The following DCLRE1A variants were observed in gnomAD, a reference collection of about 807,000 sequenced individuals.
DCLRE1A encodes DNA cross-link repair 1A protein.
A neutral mutation model predicts 91.9 loss-of-function variants in DCLRE1A; 64 were observed. The observed-to-expected ratio is 0.70, with a 90% CI of 0.57 to 0.86. The LOEUF is 0.86. Among genes scored for constraint, DCLRE1A ranks in the 40% least tolerant of loss-of-function variants. The probability of loss-of-function intolerance (pLI) is 0.00; values close to 1 mark genes in which losing one functional copy is unlikely to be tolerated. For missense variants in DCLRE1A, 1,145 were observed against 1,213.3 expected (o/e 0.94, Z 0.84); for synonymous variants, 416 against 431.1 (o/e 0.96, Z 0.43).
intron 6 of DCLRE1A, 109 bp downstream of exon 6, chr10:113,842,234 T>C: frequency 1.0e-6 from 1 of 962,126 alleles, no homozygotes; most frequent in Non-Finnish European, 1.4e-6. Flanking sequence ...TATTGAATCA[T>C]TACAGGAAAT....
intron 4 of DCLRE1A, 131 bp from the exon 5 acceptor site, chr10:113,844,375 T>C: frequency 1.7e-6 from 2 of 1,203,454 alleles, no homozygotes; most frequent in Non-Finnish European, 1.1e-6. Context: ...CTACAGGAAA[T>C]GCGGCACTTC....
chr10:113,852,693 T>G (rs531319924), intron 1 of DCLRE1A, 30 bp downstream of exon 1: 4 of 1,575,640 alleles, frequency 2.5e-6, no homozygotes, highest in East Asian at 4.5e-5. Context: ...TTAGATTATT[T>G]AGAAACTACT....
rs748264520 is a variant in DCLRE1A at position 113,850,468 on chromosome 10, A to G, written c.637T>C (p.Trp213Arg). ...SGVLCSLEER[W>R]SSYQNQTDNS... is the part of the protein sequence containing the mutation. ...TCAGTTTGGTTCTGATACGAAGACC[A>G]TCTTTCCTCAAGGCTACAAAGGACG... is the stretch of plus-strand genomic sequence containing the variant. Residue 213 changes from tryptophan to arginine, a missense_variant, in exon 2 of 9, where the codon TGG becomes CGG. By Grantham distance (101) the Trp-to-Arg change is moderately radical. Transcript: ENST00000361384. 8.7e-6 allele frequency: 14 copies of G among 1,614,064 alleles called. No homozygotes were observed. Among genetic ancestry groups the G allele is most frequent in the Admixed American group, 5.0e-5 (3 of 60,000 alleles).
rs139656011 is a variant in DCLRE1A, at chr10:113,846,096, C to A, written c.2260-293G>T. ...TGGGTTTGTCTCCTGTTATTCCCTA[C>A]CTTGTGTTCTAGCCATTTTGAATTA... On this transcript the variant is annotated intron_variant, in intron 3 of 8. Coordinates refer to ENST00000361384, the MANE Select transcript of DCLRE1A (RefSeq NM_014881.5). Among the ~76,000 whole-genome samples the A allele has an allele frequency of 5.4e-3, 828 of 152,246 alleles. 6 individuals carry two copies. The highest frequency in any genetic ancestry group is 0.019 in the African/African-American group (792 of 41,546).
At chr10:113,839,486 C>T (rs1845414460) in intron 7 of DCLRE1A, among the ~76,000 whole-genome samples, 1 of 151,812 alleles carries the variant, frequency 6.6e-6, no homozygotes. Flanking sequence ...ATACATATTT[C>T]CATTATCATT....
At chr10:113,845,921 A>G in intron 3 of DCLRE1A, 118 bp from the exon 4 acceptor site, 1 of 864,044 alleles carries the variant, frequency 1.2e-6, no homozygotes, top group Non-Finnish European at 2.0e-6. Flanking sequence ...ATTTAAGTAA[A>G]CACTCCACAA....
intron 2 of DCLRE1A, 126 bp from the exon 3 acceptor site, chr10:113,847,461 A>T: frequency 9.2e-7 from 1 of 1,089,070 alleles, no homozygotes. Context: ...TTAAAAACTT[A>T]TATCACATAA....
rs763572927 is a variant in DCLRE1A, at chr10:113,841,463, A to G, written c.2763T>C (p.Thr921=). The G allele has an allele frequency of 3.2e-5, 52 of 1,613,636 alleles. No individual in the cohort carries two copies. The highest frequency in any genetic ancestry group is 4.3e-5 in the Non-Finnish European group (51 of 1,179,826). ...GAACCAATGAACTGCACATGTCGGT[A>G]GTGATGAGTGAATTAATTTCTGGTA... ...LNIPEINSLI[T]TDMCSSLVHL... The change falls in exon 7 of 9, where the codon ACT becomes ACC. Residue 921 remains threonine (T), a synonymous_variant. Transcript: ENST00000361384.
chr10:113,852,607 G>T, intron 1 of DCLRE1A, 116 bp downstream of exon 1: 1 of 984,378 alleles, frequency 1.0e-6, no homozygotes, highest in Non-Finnish European at 1.5e-6. Context: ...GTTTCCCAGT[G>T]TCTCATCTCT....
intron 4 of DCLRE1A, among the ~76,000 whole-genome samples, chr10:113,844,673 C>T (rs539112766): frequency 1.1e-4 from 17 of 152,290 alleles, no homozygotes; most frequent in African/African-American, 3.8e-4. Flanking sequence ...TGGTGGCTCA[C>T]GCCTGTAATC....
At position 113,848,980 on chromosome 10, in the gene DCLRE1A, C is replaced by T. The variant is rs746572415; in HGVS notation, c.2125G>A (p.Gly709Arg). The T allele has an allele frequency of 1.2e-6, 2 of 1,606,322 alleles. No homozygotes were observed. The highest frequency in any genetic ancestry group is 1.7e-6 in the Non-Finnish European group (2 of 1,176,822). ...ATCGAGTATTGACATTTCAACTTAC[C>T]AGGTATTTTCTTATAGAATGGACAT... ...KTCPFYKKIP[G>R]TGFTVDAFQY... Residue 709 changes from glycine to arginine, a missense_variant and splice_region_variant, in exon 2 of 9, where the codon GGA becomes AGA. Gly to Arg is a moderately radical substitution (Grantham distance 125). Transcript: ENST00000361384.
At chr10:113,841,316 A>G in intron 7 of DCLRE1A, 90 bp downstream of exon 7, 1 of 1,454,114 alleles carries the variant, frequency 6.9e-7, no homozygotes, top group Non-Finnish European at 9.3e-7. Flanking sequence ...TGACTCTATT[A>G]TAATTGAATT....
rs10689395 is a variant in DCLRE1A, at chr10:113,853,279, G to GAA, written c.-99_-98dup. On this transcript the variant is annotated 5_prime_UTR_variant, in exon 1 of 9. Coordinates refer to ENST00000361384, the MANE Select transcript of DCLRE1A (RefSeq NM_014881.5). ...AAAAGTTATAGAATTATTTTGCTGA[G>GAA]AAAAAAAACAAAGGTAACAAAACCC... The GAA allele has an allele frequency of 1.1e-3, 1,368 of 1,220,876 alleles. 16 individuals are homozygous for GAA. The African/African-American group carries it at 0.019, about 17-fold the overall frequency. The allele number at this position is 1,220,876 out of a possible 1,614,324, so 75.6% of individuals were successfully genotyped here.
At chr10:113,835,930 G>A (rs937573637) in intron 8 of DCLRE1A, among the ~76,000 whole-genome samples, 45 of 152,050 alleles carry the variant, frequency 3.0e-4, no homozygotes, top group African/African-American at 9.9e-4. Context: ...CAAGACTCTT[G>A]TCTCAAAAAA....
intron 3 of DCLRE1A, among the ~76,000 whole-genome samples, chr10:113,846,798 T>A (rs1002763785): frequency 1.3e-5 from 2 of 152,254 alleles, no homozygotes; most frequent in Admixed American, 1.3e-4. Context: ...CTATATTTTT[T>A]AATTTGCATT....
rs747657243 is a variant in DCLRE1A, at chr10:113,837,161, G to T, written c.2863C>A (p.Gln955Lys). 8.7e-6 allele frequency: 14 copies of T among 1,613,098 alleles called. No individual in the cohort carries two copies. Among genetic ancestry groups the T allele is most frequent in the Non-Finnish European group, 1.2e-5 (14 of 1,179,700 alleles). ...CCTGTAGGTCGAAATGCCAAAATCTGATTGTATTTCCCACCACACTTCTTC... is the reference window on the plus strand; with the variant it reads ...CCTGTAGGTCGAAATGCCAAAATCTTATTGTATTTCCCACCACACTTCTTC... ...HLKKCGGKYN[Q>K]ILAFRPTGWT... The change falls in exon 8 of 9, where the codon CAG (glutamine) becomes AAG (lysine). Residue 955 changes from glutamine (Q) to lysine (K), a missense_variant. Coordinates refer to ENST00000361384, the MANE Select transcript of DCLRE1A (RefSeq NM_014881.5).
Position 113,852,985 on chromosome 10 carries a change from G to C in DCLRE1A, c.198C>G (p.Pro66=). ...EAKEVKDHEV[P]LGNAGCQTSV... Reference sequence around the variant, plus strand: ...AAGTCTGACAACCTGCATTTCCAAGGGGCACTTCATGGTCCTTCACCTCTT... The same window carrying C: ...AAGTCTGACAACCTGCATTTCCAAGCGGCACTTCATGGTCCTTCACCTCTT... The change falls in exon 1 of 9, where the codon CCC becomes CCG. Residue 66 remains proline (P), a synonymous_variant. Transcript: ENST00000361384. 2 of 1,614,106 alleles carry C rather than the reference G, an allele frequency of 1.2e-6. No individual in the cohort carries two copies. The highest frequency in any genetic ancestry group is 8.5e-7 in the Non-Finnish European group (1 of 1,180,022).
rs1276618407 is a variant in DCLRE1A at position 113,835,301 on chromosome 10, T to C, written c.2974A>G (p.Ser992Gly). The part of the protein sequence containing the change: ...GNISIYGIPY[S>G]EHSSYLEMKR... ...ATTTCTAGGTAGCTGCTGTGTTCAC[T>C]GTAAGGAATTCCTGTAACAAAAAAT... Residue 992 changes from serine (S) to glycine (G), a missense_variant, in exon 9 of 9, where the codon AGT becomes GGT. Ser to Gly is a moderately conservative substitution (Grantham distance 56). Coordinates refer to ENST00000361384, the MANE Select transcript of DCLRE1A (RefSeq NM_014881.5). 2 of 1,591,116 alleles carry C rather than the reference T, an allele frequency of 1.3e-6. No homozygotes were observed. The highest frequency in any genetic ancestry group is 1.7e-6 in the Non-Finnish European group (2 of 1,172,724).
At position 113,850,062 on chromosome 10, in the gene DCLRE1A, T is replaced by C. The variant is rs1301471048; in HGVS notation, c.1043A>G (p.His348Arg). Residue 348 changes from histidine (H) to arginine (R), a missense_variant, in exon 2 of 9, where the codon CAT (histidine) becomes CGT (arginine). Coordinates refer to ENST00000361384, the MANE Select transcript of DCLRE1A (RefSeq NM_014881.5). ...DDSCGFFKKR[H>R]GPLLKDQDES... Reference sequence around the variant, plus strand: ...ATCCTGGTCCTTCAGTAAGGGACCATGTCGTTTTTTAAAAAAACCACAGCT... The same window carrying C: ...ATCCTGGTCCTTCAGTAAGGGACCACGTCGTTTTTTAAAAAAACCACAGCT... 12 of 1,613,964 alleles carry C rather than the reference T, an allele frequency of 7.4e-6. No individual in the cohort carries two copies. Among genetic ancestry groups the C allele is most frequent in the Non-Finnish European group, 9.3e-6 (11 of 1,179,990 alleles).
Sources: gnomAD v4.1 joint callset for allele counts (sites outside exome capture counted in the v4.1 genomes callset) on GRCh38, gnomAD v4.1.1 for gene constraint, MANE v1.5 for transcripts, NCBI Gene and HGNC (gene_info 2026-07-23, HGNC 2026-07-21) for gene names.